Variants in NKAIN3 observed in about 807,000 individuals in gnomAD.
NKAIN3 encodes the protein sodium/potassium transporting ATPase interacting 3, also known as sodium/potassium-transporting ATPase subunit beta-1-interacting protein 3.
In NKAIN3, 25 loss-of-function variants were observed where a neutral mutation model predicts 30.2. That is an observed-to-expected ratio of 0.83 (90% CI 0.60 to 1.16). The LOEUF (loss-of-function observed/expected upper bound fraction) is 1.16. Among genes scored for constraint, NKAIN3 ranks in the 50% most tolerant of loss-of-function variants. The pLI is 0.00. For missense variants in NKAIN3, 225 were observed against 254.1 expected (o/e 0.89, Z 0.78); for synonymous variants, 91 against 89.6 (o/e 1.02, Z -0.09).
chr8:62,992,897 A>G (rs745525636), intron 5 of NKAIN3, among the ~76,000 whole-genome samples: 3 of 152,156 alleles, frequency 2.0e-5, no homozygotes, highest in Non-Finnish European at 4.4e-5. Flanking sequence ...CTGTCATCAG[A>G]GGCCAGTCCA....
intron 5 of NKAIN3, among the ~76,000 whole-genome samples, chr8:62,950,129 G>A (rs1469927797): frequency 6.6e-6 from 1 of 152,134 alleles, no homozygotes; most frequent in Non-Finnish European, 1.5e-5. Flanking sequence ...ATTAAAAACT[G>A]AAGGTCTTTC....
intron 4 of NKAIN3, among the ~76,000 whole-genome samples, chr8:62,791,083 A>G (rs911554156): frequency 6.6e-6 from 1 of 151,540 alleles, no homozygotes; most frequent in Non-Finnish European, 1.5e-5. Context: ...AAGTCTTAAA[A>G]CTCCTCAAAT....
chr8:62,832,936 C>T (rs909681271), intron 4 of NKAIN3, among the ~76,000 whole-genome samples: 3 of 152,018 alleles, frequency 2.0e-5, no homozygotes, highest in Non-Finnish European at 4.4e-5. Context: ...AGACCACATG[C>T]TCAGCCATAA....
chr8:62,679,522 T>C (rs1813586470), intron 3 of NKAIN3, among the ~76,000 whole-genome samples: 1 of 152,146 alleles, frequency 6.6e-6, no homozygotes, highest in Non-Finnish European at 1.5e-5. Flanking sequence ...GACTAGGTAT[T>C]TATAAAGAAA....
At chr8:62,486,780 T>A (rs894204184) in intron 1 of NKAIN3, among the ~76,000 whole-genome samples, 5 of 152,200 alleles carry the variant, frequency 3.3e-5, no homozygotes, top group African/African-American at 1.2e-4. Context: ...GCTCAGTAAA[T>A]GGCAACTGGC....
intron 4 of NKAIN3, among the ~76,000 whole-genome samples, chr8:62,778,089 G>C (rs1817242788): frequency 2.0e-5 from 3 of 152,040 alleles, no homozygotes; most frequent in Admixed American, 2.0e-4. Flanking sequence ...CCTGGAGCTG[G>C]GGGAGGAGTA....
rs115033605 is a variant in NKAIN3 at position 62,455,982 on chromosome 8, G to A, written c.55-123557G>A. Among the ~76,000 whole-genome samples the A allele has an allele frequency of 2.1e-4, 32 of 152,238 alleles. No individual in the cohort carries two copies. In the East Asian group the frequency reaches 6.0e-3, roughly 29 times the overall value. On this transcript the variant is annotated intron_variant, in intron 1 of 6. Transcript: ENST00000623646. ...CAGACATGGCTACTATGTGGAAAACGGATAAGTGGTCTGTGCAGATTAAGT... is the reference window on the plus strand; with the variant it reads ...CAGACATGGCTACTATGTGGAAAACAGATAAGTGGTCTGTGCAGATTAAGT...
At chr8:62,393,701 TA>T (rs2129594718) in intron 1 of NKAIN3, among the ~76,000 whole-genome samples, 1 of 152,170 alleles carries the variant, frequency 6.6e-6, no homozygotes, top group South Asian at 2.1e-4. Flanking sequence ...ATTGACCTCT[TA>T]AAAATGGTGA....
intron 1 of NKAIN3, among the ~76,000 whole-genome samples, chr8:62,523,042 G>A (rs950663977): frequency 2.0e-5 from 3 of 152,074 alleles, no homozygotes; most frequent in Non-Finnish European, 4.4e-5. Context: ...GACTCACCCA[G>A]AGCAACGTCT....
At chr8:62,509,380 GC>G (rs1397080983) in intron 1 of NKAIN3, among the ~76,000 whole-genome samples, 1 of 152,234 alleles carries the variant, frequency 6.6e-6, no homozygotes, top group African/African-American at 2.4e-5. Context: ...AAGATATGCA[GC>G]CCTAGTTCTT....
At chr8:62,414,023 T>G (rs1477965211) in intron 1 of NKAIN3, among the ~76,000 whole-genome samples, 1 of 152,130 alleles carries the variant, frequency 6.6e-6, no homozygotes, top group Non-Finnish European at 1.5e-5. Context: ...ATGACCAAAA[T>G]CTGAAGTAAA....
chr8:62,708,495 G>A (rs1814609052), intron 3 of NKAIN3, among the ~76,000 whole-genome samples: 1 of 152,140 alleles, frequency 6.6e-6, no homozygotes, highest in Admixed American at 6.5e-5. Flanking sequence ...TTGTAAAAGG[G>A]TTGACTTCTT....
intron 3 of NKAIN3, among the ~76,000 whole-genome samples, chr8:62,691,748 A>G (rs1415176686): frequency 6.6e-6 from 1 of 152,226 alleles, no homozygotes; most frequent in Non-Finnish European, 1.5e-5. Context: ...AGATTTATCA[A>G]GGCAGGTTTC....
At chr8:62,585,695 C>A (rs185806552) in intron 2 of NKAIN3, among the ~76,000 whole-genome samples, 160 of 152,226 alleles carry the variant, frequency 1.1e-3, no homozygotes, top group African/African-American at 3.8e-3. Context: ...AGAGCTTAGG[C>A]AGTACTGGTC....
chr8:62,658,609 G>A (rs142706691), intron 3 of NKAIN3, among the ~76,000 whole-genome samples: 36 of 152,234 alleles, frequency 2.4e-4, no homozygotes, highest in Middle Eastern at 6.8e-3. Context: ...TACAGTACTC[G>A]TAGCTTCCCT....
At chr8:62,518,654 G>T (rs1289587548) in intron 1 of NKAIN3, among the ~76,000 whole-genome samples, 3 of 152,152 alleles carry the variant, frequency 2.0e-5, no homozygotes, top group Middle Eastern at 6.8e-3. Flanking sequence ...GGGATCAAAA[G>T]ATTTTAAAAA....
intron 3 of NKAIN3, among the ~76,000 whole-genome samples, chr8:62,649,487 T>C (rs1812561309): frequency 6.6e-6 from 1 of 152,186 alleles, no homozygotes; most frequent in Admixed American, 6.5e-5. Context: ...AATACCTTTT[T>C]CTTCTTAAGC....
intron 2 of NKAIN3, among the ~76,000 whole-genome samples, chr8:62,585,863 A>G (rs182543806): frequency 2.0e-5 from 3 of 152,252 alleles, no homozygotes; most frequent in Admixed American, 2.0e-4. Flanking sequence ...GTTATTTCCT[A>G]TCTGTTTACT....
At chr8:62,856,584 GT>G in intron 4 of NKAIN3, 1 of 783,828 alleles carries the variant, frequency 1.3e-6, no homozygotes, top group East Asian at 2.4e-5. Context: ...GTCTTCATTG[GT>G]GAACAGCATG....
Sources: gnomAD v4.1 joint callset for allele counts (sites outside exome capture counted in the v4.1 genomes callset) on GRCh38, gnomAD v4.1.1 for gene constraint, MANE v1.5 for transcripts, NCBI Gene and HGNC (gene_info 2026-07-23, HGNC 2026-07-21) for gene names.